Variants in EEA1 observed in about 807,000 individuals in gnomAD.
EEA1 encodes the protein early endosome antigen 1, 162kD.
In EEA1, 111 loss-of-function variants were observed where a neutral mutation model predicts 209.2. The ratio of observed to expected loss-of-function variants is 0.53; its 90% confidence interval spans 0.45 to 0.62. The LOEUF (loss-of-function observed/expected upper bound fraction) is 0.62. EEA1 is among the 20% of genes least tolerant of loss of function. The pLI is 0.00. For synonymous variants in EEA1, 536 were observed against 540.6 expected (o/e 0.99, Z 0.12); for missense variants, 1,343 against 1,530.8 (o/e 0.88, Z 2.05).
At chr12:92,782,769 A>T (rs1057091267) in intron 22 of EEA1, among the ~76,000 whole-genome samples, 1 of 152,136 alleles carries the variant, frequency 6.6e-6, no homozygotes, top group East Asian at 1.9e-4. Flanking sequence ...CCCTTCTTCC[A>T]CTGGTCCCTA....
In EEA1 at chr12:92,923,679, A is replaced by G. The variant is rs1444557854; in HGVS notation, c.24+5364T>C. The stretch of plus-strand genomic sequence containing the variant: ...AACTTTTCCTCTGTGTATCTATTAC[A>G]CTTATCACATTGTTTTGTAATTATT... On this transcript the variant is annotated intron_variant, in intron 1 of 28. Transcript: ENST00000322349. Among the ~76,000 whole-genome samples, 4 of 151,382 alleles carry G rather than the reference A, an allele frequency of 2.6e-5. No individual in the cohort carries two copies. The East Asian group carries it at 7.7e-4, about 29-fold the overall frequency.
chr12:92,899,424 C>T (rs1431049506), intron 1 of EEA1, among the ~76,000 whole-genome samples: 1 of 152,196 alleles, frequency 6.6e-6, no homozygotes, highest in Non-Finnish European at 1.5e-5. Flanking sequence ...TCAGCGTGGT[C>T]GCTGACCCTT....
rs1565805017 is a variant in EEA1 at position 92,780,384 on chromosome 12, C to G, written c.3364G>C (p.Glu1122Gln). 1 of 1,560,484 alleles carries G rather than the reference C, an allele frequency of 6.4e-7. No homozygotes were observed. The highest frequency in any genetic ancestry group is 8.7e-7 in the Non-Finnish European group (1 of 1,147,686). The change falls in exon 24 of 29, where the codon GAG becomes CAG. Residue 1122 changes from glutamate (E) to glutamine (Q), a missense_variant. By Grantham distance (29) the Glu-to-Gln change is conservative (BLOSUM62 2). This residue lies in a region of EEA1 where 1,307 missense variants were observed against 1,465.5 expected (regional missense o/e 0.89). Coordinates refer to ENST00000322349, the MANE Select transcript of EEA1 (RefSeq NM_003566.4). ...KSLKEKELVN[E>Q]KSKLAEIEEI... ...TCTATCTCTGCCAATTTAGACTTCT[C>G]ATTTACCAGTTCTTTTTCTTTCAGT... is the stretch of plus-strand genomic sequence containing the variant.
intron 21 of EEA1, among the ~76,000 whole-genome samples, chr12:92,789,321 G>GAAAGA (rs965649272): frequency 5.3e-5 from 8 of 149,656 alleles, no homozygotes; most frequent in Middle Eastern, 3.5e-3. Context: ...AAGAAAAAGA[G>GAAAGA]AAAGAAAAGA....
At chr12:92,792,666 G>A (rs991076478) in intron 21 of EEA1, among the ~76,000 whole-genome samples, 2 of 152,092 alleles carry the variant, frequency 1.3e-5, no homozygotes, top group African/African-American at 2.4e-5. Context: ...AAAAGTCCAG[G>A]ACCAGGCAGA....
intron 1 of EEA1, among the ~76,000 whole-genome samples, chr12:92,900,763 G>C (rs1484927795): frequency 6.6e-6 from 1 of 151,196 alleles, no homozygotes; most frequent in Admixed American, 6.6e-5. Flanking sequence ...CTGCCTCCCA[G>C]GTTCAAGTGA....
intron 5 of EEA1, 147 bp downstream of exon 5, chr12:92,857,128 G>T: frequency 7.5e-6 from 4 of 530,516 alleles, no homozygotes; most frequent in South Asian, 2.8e-5. Flanking sequence ...ACATTTGTTT[G>T]CATTCATCAG....
intron 10 of EEA1, among the ~76,000 whole-genome samples, chr12:92,839,713 T>C (rs1383213083): frequency 2.6e-5 from 4 of 152,210 alleles, no homozygotes; most frequent in Non-Finnish European, 5.9e-5. Flanking sequence ...TATTTTTAAA[T>C]TACTTTTAAA....
At position 92,776,962 on chromosome 12, in the gene EEA1, C is replaced by T. The variant is rs759842673; in HGVS notation, c.4015-20G>A. 28 of 1,601,234 alleles carry T rather than the reference C, an allele frequency of 1.7e-5. No individual in the cohort carries two copies. The highest frequency in any genetic ancestry group is 3.3e-4 in the Middle Eastern group (2 of 6,048). On this transcript the variant is annotated intron_variant, in intron 27 of 28. Transcript: ENST00000322349. ...TTTGATCTGTTTTTTAAAGAAGTAT[C>T]GATATATTATAGTATTCAACATTTT... is the stretch of plus-strand genomic sequence containing the variant.
chr12:92,898,635 GC>G (rs1880001150), intron 1 of EEA1, among the ~76,000 whole-genome samples: 1 of 146,616 alleles, frequency 6.8e-6, no homozygotes, highest in Non-Finnish European at 1.5e-5. Context: ...CCGCACTCCA[GC>G]CTGGGTGACA....
chr12:92,883,195 G>T (rs1879231663), intron 2 of EEA1, among the ~76,000 whole-genome samples: 1 of 152,054 alleles, frequency 6.6e-6, no homozygotes, highest in Admixed American at 6.5e-5. Flanking sequence ...ACGTTTCTTG[G>T]CCATTTGTAT....
At chr12:92,861,574 A>G (rs1398775503) in intron 3 of EEA1, among the ~76,000 whole-genome samples, 1 of 152,206 alleles carries the variant, frequency 6.6e-6, no homozygotes, top group African/African-American at 2.4e-5. Flanking sequence ...TTGTGATGTC[A>G]TAAGTATGCA....
chr12:92,825,787 TA>T (rs1176424109), intron 13 of EEA1, among the ~76,000 whole-genome samples: 1 of 151,104 alleles, frequency 6.6e-6, no homozygotes, highest in Non-Finnish European at 1.5e-5. Context: ...TTTTAGTCAA[TA>T]ATAAACAATA....
At chr12:92,824,659 A>T (rs1172843582) in intron 13 of EEA1, among the ~76,000 whole-genome samples, 1 of 152,130 alleles carries the variant, frequency 6.6e-6, no homozygotes, top group Non-Finnish European at 1.5e-5. Flanking sequence ...CAGGTCTTTC[A>T]TCTTTTCAAA....
At position 92,826,290 on chromosome 12, in the gene EEA1, A is replaced by C; in HGVS notation, c.1405-5T>G. 1 of 1,608,310 alleles carries C rather than the reference A, an allele frequency of 6.2e-7. No individual in the cohort carries two copies. Among genetic ancestry groups the C allele is most frequent in the Non-Finnish European group, 8.5e-7 (1 of 1,175,552 alleles). Reference sequence around the variant, plus strand: ...ATTTGTAACTTTTTCCTTCAACTTAAAAAAATGTAGATTGTCAATTGAGAA... The same window carrying C: ...ATTTGTAACTTTTTCCTTCAACTTACAAAAATGTAGATTGTCAATTGAGAA... On this transcript the variant is annotated splice_region_variant and splice_polypyrimidine_tract_variant and intron_variant, in intron 12 of 28. Transcript: ENST00000322349.
In EEA1 at chr12:92,826,196, TTGC is replaced by T. The variant is rs755170323; in HGVS notation, c.1491_1493del (p.Gln498del). On this transcript the variant is annotated inframe_deletion, in exon 13 of 29. Coordinates refer to ENST00000322349, the MANE Select transcript of EEA1 (RefSeq NM_003566.4). ...CTTCTCGAAGTTTTGCCGTGGTGCT[TTGC>T]TGAAGAGCCTGTTGTTCTTGATGCT... The T allele has an allele frequency of 1.4e-5, 23 of 1,613,574 alleles. No homozygotes were observed. The highest frequency in any genetic ancestry group is 1.7e-6 in the Non-Finnish European group (2 of 1,179,730).
In EEA1 at chr12:92,777,929, G is replaced by A. The variant is rs777463672; in HGVS notation, c.3893+12C>T. On this transcript the variant is annotated intron_variant, in intron 26 of 28. Coordinates refer to ENST00000322349, the MANE Select transcript of EEA1 (RefSeq NM_003566.4). ...CAATGGAAATAAACTAATTTTACTA[G>A]ATATCAATCACCTTTCCAGTAGTGC... 2 of 1,593,088 alleles carry A rather than the reference G, an allele frequency of 1.3e-6. No homozygotes were observed. The highest frequency in any genetic ancestry group is 1.7e-5 in the Admixed American group (1 of 59,454).
At chr12:92,864,129 A>T (rs1357491497) in intron 3 of EEA1, among the ~76,000 whole-genome samples, 5 of 152,212 alleles carry the variant, frequency 3.3e-5, no homozygotes, top group Admixed American at 2.6e-4. Flanking sequence ...GCCATGTTTT[A>T]TAGATCTACA....
chr12:92,826,072 T>A lies in EEA1; in HGVS notation c.1524+94A>T, dbSNP rs190401267. On this transcript the variant is annotated intron_variant, in intron 13 of 28. Coordinates refer to ENST00000322349, the MANE Select transcript of EEA1 (RefSeq NM_003566.4). The stretch of plus-strand genomic sequence containing the variant: ...TAGTTTTACCACAACAAAAGGATAA[T>A]GATTTGGATTAATTAATTTTATTTT... The A allele has an allele frequency of 8.7e-5, 114 of 1,308,648 alleles. No homozygotes were observed. In the East Asian group the frequency reaches 1.5e-3, roughly 17 times the overall value. 81.1% of individuals were successfully genotyped at this position (1,308,648 alleles called of 1,614,324 possible).
Sources: gnomAD v4.1 joint callset for allele counts (sites outside exome capture counted in the v4.1 genomes callset) on GRCh38, gnomAD v4.1.1 for gene constraint, gnomAD v4.1.1 regional missense constraint, MANE v1.5 for transcripts, NCBI Gene and HGNC (gene_info 2026-07-23, HGNC 2026-07-21) for gene names.